Variants in RAB38 observed in about 807,000 individuals in gnomAD.
RAB38 encodes RAB38, member RAS oncogene family, also known as ras-related protein Rab-38.
In RAB38, 15 loss-of-function variants were observed where a neutral mutation model predicts 18.4. The observed-to-expected ratio is 0.82, with a 90% CI of 0.55 to 1.26. The LOEUF is 1.26. Among genes scored for constraint, RAB38 ranks in the 50% most tolerant of loss-of-function variants. The probability of loss-of-function intolerance (pLI) is 0.00; values close to 1 mark genes in which losing one functional copy is unlikely to be tolerated. For synonymous variants in RAB38, 101 were observed against 104.4 expected (o/e 0.97, Z 0.20); for missense variants, 294 against 267.4 (o/e 1.10, Z -0.69).
the RAB38 span, among the ~76,000 whole-genome samples, chr11:87,882,594 A>G: frequency 6.6e-6 from 1 of 151,890 alleles, no homozygotes; most frequent in Non-Finnish European, 1.5e-5. Flanking sequence ...TACAAACTGA[A>G]TAAGTTAGTT....
intron 2 of RAB38, among the ~76,000 whole-genome samples, chr11:88,115,029 T>C (rs1242730194): frequency 6.6e-6 from 1 of 152,072 alleles, no homozygotes; most frequent in Non-Finnish European, 1.5e-5. Context: ...TTGGAAAAAA[T>C]ATGGAGCAAA....
the RAB38 span, among the ~76,000 whole-genome samples, chr11:88,023,781 A>G: frequency 6.6e-6 from 1 of 152,184 alleles, no homozygotes; most frequent in Non-Finnish European, 1.5e-5. Context: ...GGTGCCAAGA[A>G]CATACATCAG....
At chr11:87,839,235 C>A in the RAB38 span, among the ~76,000 whole-genome samples, 1 of 152,178 alleles carries the variant, frequency 6.6e-6, no homozygotes, top group Non-Finnish European at 1.5e-5. Flanking sequence ...GTTCTTTGAT[C>A]AGGGACCATC....
At chr11:87,951,025 A>G in the RAB38 span, among the ~76,000 whole-genome samples, 18 of 152,324 alleles carry the variant, frequency 1.2e-4, no homozygotes, top group East Asian at 3.5e-3. Flanking sequence ...AGGTACACCA[A>G]TCAGACATAG....
chr11:87,916,810 T>C, the RAB38 span, among the ~76,000 whole-genome samples: 4 of 152,166 alleles, frequency 2.6e-5, no homozygotes. Flanking sequence ...GTCTATTGAC[T>C]TCTAACTTTT....
chr11:87,903,756 AT>A, the RAB38 span, among the ~76,000 whole-genome samples: 1 of 149,622 alleles, frequency 6.7e-6, no homozygotes, highest in African/African-American at 2.4e-5. Flanking sequence ...AAGCTCTTTA[AT>A]TTTTCTATTC....
chr11:88,125,580 A>T (rs1942685233), intron 2 of RAB38, among the ~76,000 whole-genome samples: 1 of 152,138 alleles, frequency 6.6e-6, no homozygotes, highest in South Asian at 2.1e-4. Flanking sequence ...AGAACTTGTG[A>T]ATTTGTTTGA....
At chr11:88,038,453 AAGCCATTTAAC>A in the RAB38 span, among the ~76,000 whole-genome samples, 148 of 152,260 alleles carry the variant, frequency 9.7e-4, no homozygotes, top group African/African-American at 3.4e-3. Context: ...TATTTTTTCT[AAGCCATTTAAC>A]AGTTTTATTT....
chr11:87,821,430 T>C, the RAB38 span, among the ~76,000 whole-genome samples: 99 of 152,264 alleles, frequency 6.5e-4, no homozygotes, highest in African/African-American at 2.1e-3. Context: ...TTACCAGCAA[T>C]GACTCTCTAT....
chr11:88,170,376 C>T (rs1407601460), intron 1 of RAB38, among the ~76,000 whole-genome samples: 1 of 152,152 alleles, frequency 6.6e-6, no homozygotes, highest in East Asian at 1.9e-4. Context: ...CATTCCTAGA[C>T]CTACTACTTT....
chr11:88,110,813 CA>C (rs10700245), downstream of RAB38, among the ~76,000 whole-genome samples: 231 of 115,154 alleles, frequency 2.0e-3, 1 homozygote, highest in Middle Eastern at 4.8e-3. Context: ...GACTCCATCT[CA>C]AAAAAAAAAA....
the RAB38 span, among the ~76,000 whole-genome samples, chr11:87,946,375 TG>T: frequency 6.6e-6 from 1 of 152,132 alleles, no homozygotes; most frequent in Admixed American, 6.6e-5. Context: ...AGAGGCTCTA[TG>T]AGAGCCTCTA....
the RAB38 span, among the ~76,000 whole-genome samples, chr11:87,961,916 T>G: frequency 6.6e-6 from 1 of 152,184 alleles, no homozygotes; most frequent in Non-Finnish European, 1.5e-5. Context: ...AATGAGACAC[T>G]GAGGATAAAA....
the RAB38 span, among the ~76,000 whole-genome samples, chr11:87,874,045 A>T: frequency 6.6e-6 from 1 of 150,454 alleles, no homozygotes; most frequent in Non-Finnish European, 1.5e-5. Flanking sequence ...TTTGATGAAC[A>T]GAAGTTACAA....
At chr11:88,021,651 C>A in the RAB38 span, among the ~76,000 whole-genome samples, 1 of 147,776 alleles carries the variant, frequency 6.8e-6, no homozygotes, top group Non-Finnish European at 1.5e-5. Flanking sequence ...GGTGCAGTGG[C>A]ACGATCTTGG....
At chr11:87,842,868 T>G in the RAB38 span, among the ~76,000 whole-genome samples, 1 of 151,892 alleles carries the variant, frequency 6.6e-6, no homozygotes. Context: ...ATAAAAAATG[T>G]TTGAGAAACA....
At chr11:88,021,563 A>AATTAATTT in the RAB38 span, among the ~76,000 whole-genome samples, 1 of 141,954 alleles carries the variant, frequency 7.0e-6, no homozygotes, top group South Asian at 2.4e-4. Context: ...AGAGAAAGAT[A>AATTAATTT]ATTTATTTAT....
At chr11:88,083,230 A>T in the RAB38 span, among the ~76,000 whole-genome samples, 118,503 of 151,754 alleles carry the variant, frequency 0.78, 46,608 homozygotes, top group African/African-American at 0.87. Context: ...CTCTCTTTAT[A>T]CTTTTTCCCA....
the RAB38 span, among the ~76,000 whole-genome samples, chr11:87,939,470 CTGTT>C: frequency 6.6e-6 from 1 of 151,842 alleles, no homozygotes; most frequent in African/African-American, 2.4e-5. Flanking sequence ...AACATAAAGA[CTGTT>C]TGATATTTTT....
Sources: gnomAD v4.1 joint callset for allele counts (sites outside exome capture counted in the v4.1 genomes callset) on GRCh38, gnomAD v4.1.1 for gene constraint, MANE v1.5 for transcripts, NCBI Gene and HGNC (gene_info 2026-07-23, HGNC 2026-07-21) for gene names.